Variants in MASP1 observed in about 807,000 individuals in gnomAD.
The protein encoded by MASP1 is mannan-binding lectin serine protease 1.
Under a neutral mutation model 77.1 loss-of-function variants are expected in MASP1, and 59 were observed. That is an observed-to-expected ratio of 0.77 (90% CI 0.62 to 0.95). The LOEUF (loss-of-function observed/expected upper bound fraction) is 0.95. Among genes scored for constraint, MASP1 ranks in the 40% least tolerant of loss-of-function variants. The pLI is 0.00. For missense variants in MASP1, 885 were observed against 912.9 expected, an observed-to-expected ratio of 0.97 and a Z score of 0.39; for synonymous variants, 362 against 354.5, an observed-to-expected ratio of 1.02 and a Z score of -0.24.
chr3:187,234,453 G>T lies in MASP1; in HGVS notation c.*1231C>A. 1 of 1,285,422 alleles carries T rather than the reference G, an allele frequency of 7.8e-7. No homozygotes were observed. Among genetic ancestry groups the T allele is most frequent in the Non-Finnish European group, 1.0e-6 (1 of 987,022 alleles). The allele number at this position is 1,285,422 out of a possible 1,614,324, so 79.6% of individuals were successfully genotyped here. On this transcript the variant is annotated 3_prime_UTR_variant, in exon 11 of 11. Coordinates refer to ENST00000296280, the MANE Select transcript of MASP1 (RefSeq NM_139125.4). Reference sequence around the variant, plus strand: ...ACCTTATGCCAGCCTGTTGCTGACGGAGAACCAGAGACTCAGACAAAGAAA... The same window carrying T: ...ACCTTATGCCAGCCTGTTGCTGACGTAGAACCAGAGACTCAGACAAAGAAA...
At chr3:187,241,730 A>T in intron 9 of MASP1, 175 bp from the exon 10 acceptor site, 1 of 582,336 alleles carries the variant, frequency 1.7e-6, no homozygotes, top group Admixed American at 2.6e-5. Context: ...AAGAATGAGG[A>T]AGAATGTGGC....
intron 9 of MASP1, chr3:187,243,200 C>T (rs767029077): frequency 8.7e-5 from 37 of 424,244 alleles, no homozygotes; most frequent in Admixed American, 3.5e-4. Flanking sequence ...GACTCCTTCA[C>T]GCTCCCACCA....
chr3:187,287,237 C>T (rs559895561), intron 1 of MASP1, among the ~76,000 whole-genome samples: 71 of 152,260 alleles, frequency 4.7e-4, no homozygotes, highest in African/African-American at 1.4e-3. Flanking sequence ...CTGTCCTTCC[C>T]ACCTCATCTC....
chr3:187,251,821 A>G, intron 6 of MASP1, 69 bp from the exon 7 acceptor site: 1 of 1,176,240 alleles, frequency 8.5e-7, no homozygotes, highest in Non-Finnish European at 1.3e-6. Flanking sequence ...GCCAGTCCCT[A>G]GAAAGCAAGG....
At chr3:187,291,600 C>T (rs780718919) in intron 1 of MASP1, 28 bp downstream of exon 1, 3 of 1,614,162 alleles carry the variant, frequency 1.9e-6, no homozygotes, top group Non-Finnish European at 2.5e-6. Context: ...CAAAAGGGAA[C>T]CGTGCCCTCT....
chr3:187,235,165 C>T lies in MASP1; in HGVS notation c.*519G>A, dbSNP rs1211357616. The T allele has an allele frequency of 1.6e-6, 2 of 1,287,576 alleles. No homozygotes were observed. Among genetic ancestry groups the T allele is most frequent in the Admixed American group, 2.3e-5 (1 of 43,562 alleles). 79.8% of individuals were successfully genotyped at this position (1,287,576 alleles called of 1,614,324 possible). A position where few individuals can be genotyped will look rare whatever the true frequency, so the allele number is the denominator to read the frequency against. On this transcript the variant is annotated 3_prime_UTR_variant, in exon 11 of 11. Coordinates refer to ENST00000296280, the MANE Select transcript of MASP1 (RefSeq NM_139125.4). ...AGAGGGGCTTGGCTATGAGCCATCT[C>T]CCAAAACCTGAATGCTCTTCTCCTA... is the stretch of plus-strand genomic sequence containing the variant.
intron 7 of MASP1, 123 bp downstream of exon 7, chr3:187,251,511 G>A (rs1714589966): frequency 6.2e-6 from 5 of 807,542 alleles, no homozygotes; most frequent in Non-Finnish European, 1.1e-5. Flanking sequence ...AAGTTGATGG[G>A]CAGCTAGGAA....
chr3:187,266,588 G>A (rs574248258), intron 2 of MASP1, among the ~76,000 whole-genome samples: 3 of 152,112 alleles, frequency 2.0e-5, no homozygotes, highest in African/African-American at 7.2e-5. Context: ...TGGAGGGTAG[G>A]GGGTGGGTAG....
intron 2 of MASP1, among the ~76,000 whole-genome samples, chr3:187,280,615 C>T (rs1458979373): frequency 1.3e-5 from 2 of 152,070 alleles, no homozygotes; most frequent in African/African-American, 2.4e-5. Context: ...CTTTTCTGGG[C>T]ATCTAAAAGA....
At chr3:187,281,725 T>C (rs1717428062) in intron 2 of MASP1, among the ~76,000 whole-genome samples, 1 of 152,102 alleles carries the variant, frequency 6.6e-6, no homozygotes. Context: ...GAAGTTCTGG[T>C]GAGGAGGATT....
At chr3:187,278,004 G>A (rs1438684976) in intron 2 of MASP1, among the ~76,000 whole-genome samples, 2 of 152,156 alleles carry the variant, frequency 1.3e-5, no homozygotes. Context: ...GTGATACCAG[G>A]CAGACACTTT....
chr3:187,262,075 T>C (rs1715625257), intron 3 of MASP1, among the ~76,000 whole-genome samples: 1 of 152,068 alleles, frequency 6.6e-6, no homozygotes, highest in Non-Finnish European at 1.5e-5. Context: ...CTAAGGGAAG[T>C]GGGAGCAGAG....
At chr3:187,246,583 G>A (rs1349923970) in intron 8 of MASP1, 1 of 985,474 alleles carries the variant, frequency 1.0e-6, no homozygotes, top group East Asian at 1.1e-4. Flanking sequence ...AGAGATTCCA[G>A]CTGCCACTCC....
chr3:187,256,767 T>G lies in MASP1; in HGVS notation c.641A>C (p.Tyr214Ser). 1 of 1,614,006 alleles carries G rather than the reference T, an allele frequency of 6.2e-7. No homozygotes were observed. The highest frequency in any genetic ancestry group is 8.5e-7 in the Non-Finnish European group (1 of 1,180,002). ...GAAACCCTCCTCCAGCTCGATGGTA[T>G]ACAGGCATTCAGAGCTCTTGGGGTA... ...NPYPKSSECL[Y>S]TIELEEGFMV... The change falls in exon 5 of 11, where the codon TAT (tyrosine) becomes TCT (serine). Residue 214 changes from tyrosine (Y) to serine (S), a missense_variant. Tyr to Ser is a moderately radical substitution (Grantham distance 144). Coordinates refer to ENST00000296280, the MANE Select transcript of MASP1 (RefSeq NM_139125.4).
rs1713033270 is a variant in MASP1 at position 187,235,088 on chromosome 3, T to G, written c.*596A>C. On this transcript the variant is annotated 3_prime_UTR_variant, in exon 11 of 11. Transcript: ENST00000296280. ...GATAAGGCTTAGACTGCAAGAAGCT[T>G]TTGGGAGAGAAACCCCAGGCATGAA... 1 of 1,287,290 alleles carries G rather than the reference T, an allele frequency of 7.8e-7. No homozygotes were observed. The highest frequency in any genetic ancestry group is 1.0e-6 in the Non-Finnish European group (1 of 988,730). The allele number at this position is 1,287,290 out of a possible 1,614,324, so 79.7% of individuals were successfully genotyped here. A position where few individuals can be genotyped will look rare whatever the true frequency, so the allele number is the denominator to read the frequency against.
At position 187,234,838 on chromosome 3, in the gene MASP1, C is replaced by T; in HGVS notation, c.*846G>A. On this transcript the variant is annotated 3_prime_UTR_variant, in exon 11 of 11. Coordinates refer to ENST00000296280, the MANE Select transcript of MASP1 (RefSeq NM_139125.4). ...AGGTAGCCTTTCAGATAATACATTT[C>T]AAGGCTGAAAGATTGCTTTGTGCTT... 1 of 1,287,264 alleles carries T rather than the reference C, an allele frequency of 7.8e-7. No individual in the cohort carries two copies. The allele number at this position is 1,287,264 out of a possible 1,614,324, so 79.7% of individuals were successfully genotyped here.
chr3:187,266,960 A>C (rs759479110), intron 2 of MASP1, among the ~76,000 whole-genome samples: 21 of 152,260 alleles, frequency 1.4e-4, no homozygotes, highest in Non-Finnish European at 2.5e-4. Flanking sequence ...CTGCATGTCC[A>C]TAAATTCATT....
chr3:187,247,434 G>A, intron 8 of MASP1: 1 of 1,604,286 alleles, frequency 6.2e-7, no homozygotes, highest in East Asian at 2.2e-5. Flanking sequence ...ACAGAGGAAG[G>A]AAGCAGAGAG....
intron 8 of MASP1, among the ~76,000 whole-genome samples, chr3:187,249,675 T>C (rs1321688400): frequency 6.6e-6 from 1 of 152,168 alleles, no homozygotes; most frequent in Non-Finnish European, 1.5e-5. Context: ...TATTTTATAG[T>C]TGAGGCGAAG....
Sources: allele counts gnomAD v4.1 joint callset (sites outside exome capture counted in the v4.1 genomes callset), GRCh38; gene constraint gnomAD v4.1.1; transcripts MANE v1.5; gene names NCBI Gene and HGNC (gene_info 2026-07-23, HGNC 2026-07-21).